The following RAB18 variants were observed in gnomAD, a reference collection of about 807,000 sequenced individuals.
RAB18 encodes the protein RAB18, member RAS oncogene family.
Under a neutral mutation model 28.5 loss-of-function variants are expected in RAB18, and 10 were observed. The observed-to-expected ratio is 0.35, with a 90% CI of 0.22 to 0.60. RAB18 has a LOEUF of 0.60. Ranked by LOEUF, RAB18 falls within the 20% of genes least tolerant of loss-of-function variation. The pLI is 0.78. For synonymous variants in RAB18, 93 were observed against 86.9 expected (o/e 1.07, Z -0.39); for missense variants, 188 against 244.2 (o/e 0.77, Z 1.53).
intron 1 of RAB18, 93 bp from the exon 2 acceptor site, chr10:27,509,782 A>G (rs2138970616): frequency 9.9e-7 from 1 of 1,012,944 alleles, no homozygotes; most frequent in Non-Finnish European, 1.5e-6. Context: ...TTTTATCTGC[A>G]TCTAATAATT....
chr10:27,507,334 G>A (rs1196025692), intron 1 of RAB18, among the ~76,000 whole-genome samples: 1 of 152,214 alleles, frequency 6.6e-6, no homozygotes, highest in African/African-American at 2.4e-5. Flanking sequence ...GCTGCCACTT[G>A]TGTGACCTTG....
rs751280525 is a variant in RAB18, at chr10:27,533,754, A to G, written c.279A>G (p.Arg93=). ...TTTCAGTTTATGATGTCACAAGAAG[A>G]GATACATTTGTTAAACTGGATAATT... The part of the protein sequence containing the change: ...GVILVYDVTR[R]DTFVKLDNWL... The change falls in exon 5 of 7, where the codon AGA becomes AGG. Residue 93 remains arginine (R), a synonymous_variant. Coordinates refer to ENST00000356940, the MANE Select transcript of RAB18 (RefSeq NM_021252.5). 1.2e-6 allele frequency: 2 copies of G among 1,613,574 alleles called. No individual in the cohort carries two copies. Among genetic ancestry groups the G allele is most frequent in the South Asian group, 2.2e-5 (2 of 91,056 alleles).
At position 27,536,048 on chromosome 10, in the gene RAB18, C is replaced by G. The variant is rs543061874; in HGVS notation, c.446-1828C>G. 4.6e-5 allele frequency among the ~76,000 whole-genome samples: 7 copies of G among 150,664 alleles called. No individual in the cohort carries two copies. In the South Asian group the frequency reaches 1.5e-3, roughly 32 times the overall value. On this transcript the variant is annotated intron_variant, in intron 6 of 6. Coordinates refer to ENST00000356940, the MANE Select transcript of RAB18 (RefSeq NM_021252.5). ...CAGTGAGCGAGATCACGCCACTGCA[C>G]TCCAGCCTGGGCGACAGAGCGAGAC...
In RAB18 at chr10:27,506,486, A is replaced by G. The variant is rs953383669; in HGVS notation, c.68+2049A>G. 2.0e-5 allele frequency among the ~76,000 whole-genome samples: 3 copies of G among 151,922 alleles called. No homozygotes were observed. The South Asian group carries it at 6.2e-4, about 32-fold the overall frequency. On this transcript the variant is annotated intron_variant, in intron 1 of 6. Transcript: ENST00000356940. The stretch of plus-strand genomic sequence containing the variant: ...TAGGCACGAGTCACCATGTCTGACT[A>G]GTGTTTTTTTATTTTTTATAGAGAG...
chr10:27,514,855 A>C (rs1834404122), intron 2 of RAB18, among the ~76,000 whole-genome samples: 1 of 151,528 alleles, frequency 6.6e-6, no homozygotes, highest in Non-Finnish European at 1.5e-5. Context: ...CTCCAGCCTC[A>C]CCCACCTGGG....
At chr10:27,535,960 G>A (rs1394564337) in intron 6 of RAB18, among the ~76,000 whole-genome samples, 8 of 152,086 alleles carry the variant, frequency 5.3e-5, no homozygotes. Flanking sequence ...GCGGGTGCCT[G>A]TAGTCCCAGC....
At chr10:27,510,932 T>C (rs2138973397) in intron 2 of RAB18, among the ~76,000 whole-genome samples, 1 of 152,356 alleles carries the variant, frequency 6.6e-6, no homozygotes, top group African/African-American at 2.4e-5. Flanking sequence ...CAGATGTTAA[T>C]GTTTGTCACA....
chr10:27,533,120 A>G (rs1255775612), intron 4 of RAB18, among the ~76,000 whole-genome samples: 1 of 152,058 alleles, frequency 6.6e-6, no homozygotes, highest in East Asian at 1.9e-4. Flanking sequence ...ATTAATAGGT[A>G]GAATTCTCTT....
intron 2 of RAB18, among the ~76,000 whole-genome samples, chr10:27,522,890 T>G (rs2132390945): frequency 6.6e-6 from 1 of 152,252 alleles, no homozygotes; most frequent in East Asian, 1.9e-4. Flanking sequence ...TGATTTTTTT[T>G]GTCTTCTTTT....
At chr10:27,523,627 T>G (rs1474106218) in intron 2 of RAB18, among the ~76,000 whole-genome samples, 2 of 150,348 alleles carry the variant, frequency 1.3e-5, no homozygotes, top group African/African-American at 4.9e-5. Context: ...TTTTTTTTTT[T>G]TTTGAGACAG....
intron 2 of RAB18, among the ~76,000 whole-genome samples, chr10:27,512,292 A>T (rs1001647205): frequency 3.2e-4 from 49 of 151,236 alleles, no homozygotes; most frequent in African/African-American, 1.1e-3. Context: ...TTATAATAAT[A>T]ATTATTATTA....
chr10:27,531,491 G>T, intron 3 of RAB18: 1 of 1,538,842 alleles, frequency 6.5e-7, no homozygotes, highest in South Asian at 1.2e-5. Context: ...TAGCTAAGTT[G>T]AGGTTTGATA....
chr10:27,532,253 A>G (rs998110594), intron 3 of RAB18, among the ~76,000 whole-genome samples: 1 of 152,090 alleles, frequency 6.6e-6, no homozygotes, highest in African/African-American at 2.4e-5. Flanking sequence ...CATTTCATGT[A>G]TGATAAAAGT....
intron 2 of RAB18, among the ~76,000 whole-genome samples, chr10:27,520,626 A>T (rs1038017180): frequency 2.6e-5 from 4 of 152,076 alleles, no homozygotes; most frequent in African/African-American, 9.7e-5. Context: ...TTACAGCTAT[A>T]AATTTCTGTG....
intron 3 of RAB18, among the ~76,000 whole-genome samples, chr10:27,531,077 G>A (rs1414384180): frequency 6.6e-6 from 1 of 152,000 alleles, no homozygotes; most frequent in Non-Finnish European, 1.5e-5. Context: ...GAGGCAGAGA[G>A]AATTTTTGTA....
chr10:27,511,926 C>T (rs1331943077), intron 2 of RAB18, among the ~76,000 whole-genome samples: 1 of 151,880 alleles, frequency 6.6e-6, no homozygotes, highest in Non-Finnish European at 1.5e-5. Flanking sequence ...GTCTATGTAT[C>T]TTGTTTGGAA....
rs954432773 is a variant in RAB18, at chr10:27,516,472, C to T, written c.124+6542C>T. ...ACCTGGGAGGCTGAGGCAGGAGAAT[C>T]GCTTAAATTCAGGAGATGGAGGTTG... On this transcript the variant is annotated intron_variant, in intron 2 of 6. Transcript: ENST00000356940. Among the ~76,000 whole-genome samples, 6 of 151,638 alleles carry T rather than the reference C, an allele frequency of 4.0e-5. No homozygotes were observed. The East Asian group carries it at 7.8e-4, about 20-fold the overall frequency.
intron 4 of RAB18, among the ~76,000 whole-genome samples, 171 bp from the exon 5 acceptor site, chr10:27,533,564 A>G (rs571913389): frequency 6.6e-6 from 1 of 151,690 alleles, no homozygotes; most frequent in South Asian, 2.1e-4. Flanking sequence ...TAAAAAAAAA[A>G]CACTTGTTTC....
Position 27,530,267 on chromosome 10 carries a change from G to A in RAB18, c.187-2240G>A, listed in dbSNP as rs150027953. ...CCTCAAACTATTTGTTATGAATATA[G>A]AACAGTGTTCCATGTATGGAAAAAT... On this transcript the variant is annotated intron_variant, in intron 3 of 6. Transcript: ENST00000356940. Among the ~76,000 whole-genome samples, 389 of 152,094 alleles carry A rather than the reference G, an allele frequency of 2.6e-3. 1 individual carries two copies. The highest frequency in any genetic ancestry group is 8.9e-3 in the African/African-American group (369 of 41,538).
Sources: allele counts gnomAD v4.1 joint callset (sites outside exome capture counted in the v4.1 genomes callset), GRCh38; gene constraint gnomAD v4.1.1; transcripts MANE v1.5; gene names NCBI Gene and HGNC (gene_info 2026-07-23, HGNC 2026-07-21).